Variants in SYNE3 observed in about 807,000 individuals in gnomAD.
SYNE3 encodes the protein spectrin repeat containing nuclear envelope family member 3.
Under a neutral mutation model 111.2 loss-of-function variants are expected in SYNE3, and 100 were observed. The ratio of observed to expected loss-of-function variants is 0.90; its 90% CI spans 0.77 to 1.06. The LOEUF (loss-of-function observed/expected upper bound fraction) is 1.06. Among genes scored for constraint, SYNE3 ranks in the 50% least tolerant of loss-of-function variants. The pLI, the probability that SYNE3 is intolerant of heterozygous loss-of-function variation, is 0.00. For synonymous variants in SYNE3, 547 were observed against 533.9 expected (o/e 1.02, Z -0.34); for missense variants, 1,160 against 1,240.3 (o/e 0.94, Z 0.97).
chr14:95,480,715 G>A lies in SYNE3; in HGVS notation c.-14-4880C>T, dbSNP rs144257140. Reference sequence around the variant, plus strand: ...CTTTGAAGAAGCTGAAATATCATAAGGAAGAGTGTGGTTGACTCAGGGATA... The same window carrying A: ...CTTTGAAGAAGCTGAAATATCATAAAGAAGAGTGTGGTTGACTCAGGGATA... On this transcript the variant is annotated intron_variant, in intron 1 of 17. Coordinates refer to ENST00000682763, the MANE Select transcript of SYNE3 (RefSeq NM_152592.6). Among the ~76,000 whole-genome samples the A allele has an allele frequency of 6.6e-5, 10 of 152,270 alleles. No individual in the cohort carries two copies. The East Asian group carries it at 1.4e-3, about 21-fold the overall frequency.
chr14:95,435,461 AGAGT>A (rs1886032810), intron 15 of SYNE3, among the ~76,000 whole-genome samples: 2 of 152,180 alleles, frequency 1.3e-5, no homozygotes, highest in African/African-American at 4.8e-5. Context: ...TACACAGGAG[AGAGT>A]AAGAGACATA....
At chr14:95,494,778 C>T (rs2139579531) in intron 1 of SYNE3, among the ~76,000 whole-genome samples, 1 of 152,272 alleles carries the variant, frequency 6.6e-6, no homozygotes, top group Admixed American at 6.5e-5. Flanking sequence ...TGCCGTTTAA[C>T]CCTAAGGCAT....
At position 95,439,733 on chromosome 14, in the gene SYNE3, C is replaced by T; in HGVS notation, c.2125G>A (p.Ala709Thr). 1 of 1,614,162 alleles carries T rather than the reference C, an allele frequency of 6.2e-7. No homozygotes were observed. Among genetic ancestry groups the T allele is most frequent in the Non-Finnish European group, 8.5e-7 (1 of 1,179,998 alleles). ...TTCTCCATCACCAGCCAGCCCTGCGCTTCCACCAGGGACAGCTGGGCCTCC... is the reference window on the plus strand; with the variant it reads ...TTCTCCATCACCAGCCAGCCCTGCGTTTCCACCAGGGACAGCTGGGCCTCC... ...EKEAQLSLVE[A>T]QGWLVMEKSS... is the part of the protein sequence containing the mutation. Residue 709 changes from alanine to threonine, a missense_variant, in exon 13 of 18, where the codon GCG (alanine) becomes ACG (threonine). By Grantham distance (58) the Ala-to-Thr change is moderately conservative (BLOSUM62 0). Coordinates refer to ENST00000682763, the MANE Select transcript of SYNE3 (RefSeq NM_152592.6).
chr14:95,458,464 G>A (rs952990530), intron 4 of SYNE3, among the ~76,000 whole-genome samples: 1 of 152,236 alleles, frequency 6.6e-6, no homozygotes, highest in African/African-American at 2.4e-5. Flanking sequence ...GAGCCTGGCA[G>A]CTGGTAAGTG....
At chr14:95,446,206 G>T in intron 8 of SYNE3, 115 bp from the exon 9 acceptor site, 1 of 1,269,190 alleles carries the variant, frequency 7.9e-7, no homozygotes, top group East Asian at 2.3e-5. Context: ...CTTTGTGCAG[G>T]TGTCTGAGGA....
At chr14:95,430,025 T>C (rs1160989253) in intron 17 of SYNE3, 2 of 175,118 alleles carry the variant, frequency 1.1e-5, no homozygotes, top group South Asian at 2.1e-4. Context: ...GGAGGGAGGG[T>C]AGAGACAGCA....
intron 4 of SYNE3, among the ~76,000 whole-genome samples, chr14:95,461,274 CGCGCCTTCT>C (rs1425685125): frequency 1.8e-4 from 28 of 152,352 alleles, no homozygotes; most frequent in Admixed American, 1.8e-3. Flanking sequence ...GCCAGACAGA[CGCGCCTTCT>C]GTGAGGGCCG....
At chr14:95,513,255 T>G (rs528997545) in intron 1 of SYNE3, among the ~76,000 whole-genome samples, 5 of 152,330 alleles carry the variant, frequency 3.3e-5, no homozygotes, top group East Asian at 3.9e-4. Flanking sequence ...ATTTTACTTC[T>G]CAGCTATGTG....
At chr14:95,514,618 G>C (rs577691287) in intron 1 of SYNE3, among the ~76,000 whole-genome samples, 87 of 152,364 alleles carry the variant, frequency 5.7e-4, no homozygotes, top group African/African-American at 1.7e-3. Context: ...GCCGTGCTAT[G>C]GTTAGCCCCT....
chr14:95,452,298 T>C lies in SYNE3; in HGVS notation c.1223A>G (p.Asn408Ser), dbSNP rs531457245. 63 of 1,613,858 alleles carry C rather than the reference T, an allele frequency of 3.9e-5. No homozygotes were observed. The highest frequency in any genetic ancestry group is 1.7e-4 in the Middle Eastern group (1 of 6,054). The change falls in exon 7 of 18, where the codon AAC becomes AGC. Residue 408 changes from asparagine (N) to serine (S), a missense_variant. By Grantham distance (46) the Asn-to-Ser change is conservative. Coordinates refer to ENST00000682763, the MANE Select transcript of SYNE3 (RefSeq NM_152592.6). Reference protein sequence around the residue: ...QLKELIVFPHNLKPLSDSVIA... With the variant: ...QLKELIVFPHSLKPLSDSVIA... Reference sequence around the variant, plus strand: ...GACACTATCAGAGAGTGGCTTCAGGTTGTGAGGGAAGACGATGAGCTCCTT... The same window carrying C: ...GACACTATCAGAGAGTGGCTTCAGGCTGTGAGGGAAGACGATGAGCTCCTT...
intron 17 of SYNE3, among the ~76,000 whole-genome samples, chr14:95,421,164 C>A (rs980982178): frequency 6.6e-6 from 1 of 152,132 alleles, no homozygotes; most frequent in Admixed American, 6.5e-5. Context: ...ATAAATTACC[C>A]AGTCTCGGGT....
chr14:95,452,210 C>T, intron 7 of SYNE3, 37 bp downstream of exon 7: 1 of 1,511,480 alleles, frequency 6.6e-7, no homozygotes, highest in Non-Finnish European at 8.9e-7. Flanking sequence ...GGTTCCAGCA[C>T]ACCCTGAGTC....
intron 1 of SYNE3, among the ~76,000 whole-genome samples, chr14:95,483,414 C>T (rs1263356385): frequency 2.6e-5 from 4 of 152,128 alleles, no homozygotes; most frequent in Non-Finnish European, 5.9e-5. Context: ...CACACACATT[C>T]CCACCCTTAT....
At chr14:95,494,008 G>A (rs1215828392) in intron 1 of SYNE3, among the ~76,000 whole-genome samples, 1 of 152,128 alleles carries the variant, frequency 6.6e-6, no homozygotes, top group African/African-American at 2.4e-5. Flanking sequence ...GTAGCTGGGA[G>A]GCGAGAATTC....
Position 95,408,465 on chromosome 14 carries a change from A to C in SYNE3, c.*9361T>G, listed in dbSNP as rs1903341601. ...GAAATTCCCAGATGACACAGATCTA[A>C]GGGGTCATCTGACCTTCCCTTCTTT... On this transcript the variant is annotated 3_prime_UTR_variant, in exon 18 of 18. Transcript: ENST00000682763. 1 of 152,750 alleles carries C rather than the reference A, an allele frequency of 6.5e-6. No homozygotes were observed. The highest frequency in any genetic ancestry group is 1.5e-5 in the Non-Finnish European group (1 of 68,474). 9.5% of individuals were successfully genotyped at this position (152,750 alleles called of 1,614,324 possible). A position where few individuals can be genotyped will look rare whatever the true frequency, so the allele number is the denominator to read the frequency against.
At chr14:95,437,027 C>G (rs763509790) in intron 14 of SYNE3, 46 bp from the exon 15 acceptor site, 16 of 1,611,698 alleles carry the variant, frequency 9.9e-6, no homozygotes, top group Admixed American at 6.7e-5. Flanking sequence ...AAAGAGCCCC[C>G]CTGGCCATGT....
chr14:95,454,875 G>A (rs1887312508), intron 6 of SYNE3, among the ~76,000 whole-genome samples: 1 of 152,116 alleles, frequency 6.6e-6, no homozygotes, highest in Admixed American at 6.5e-5. Flanking sequence ...GGGAGGGCTG[G>A]GGAGCCTCTG....
intron 1 of SYNE3, among the ~76,000 whole-genome samples, chr14:95,499,856 C>CTCTTTTTT: frequency 1.1e-5 from 1 of 90,062 alleles, no homozygotes; most frequent in Non-Finnish European, 2.0e-5. Flanking sequence ...TAACTCTTGT[C>CTCTTTTTT]TTTTTTTTTT....
intron 13 of SYNE3, 62 bp from the exon 14 acceptor site, chr14:95,439,224 G>A: frequency 6.2e-7 from 1 of 1,604,122 alleles, no homozygotes; most frequent in Non-Finnish European, 8.5e-7. Flanking sequence ...CAGGACATGG[G>A]AAAAGTAATA....
Sources: gnomAD v4.1 joint callset for allele counts (sites outside exome capture counted in the v4.1 genomes callset) on GRCh38, gnomAD v4.1.1 for gene constraint, MANE v1.5 for transcripts, NCBI Gene and HGNC (gene_info 2026-07-23, HGNC 2026-07-21) for gene names.